Variants in TTBK2 observed in about 807,000 individuals in gnomAD.
TTBK2 encodes tau-tubulin kinase 2.
Under a neutral mutation model 110.8 loss-of-function variants are expected in TTBK2, and 28 were observed. The ratio of observed to expected loss-of-function variants is 0.25; its 90% CI spans 0.19 to 0.35. The LOEUF is 0.35. Among genes scored for constraint, TTBK2 ranks in the 10% least tolerant of loss-of-function variants. TTBK2 has a pLI of 1.00. For synonymous variants in TTBK2, 532 were observed against 527.3 expected, an observed-to-expected ratio of 1.01 and a Z score of -0.12; for missense variants, 1,369 against 1,500.3, an observed-to-expected ratio of 0.91 and a Z score of 1.45.
At chr15:42,884,813 T>A (rs1047122981) in intron 1 of TTBK2, among the ~76,000 whole-genome samples, 6 of 152,202 alleles carry the variant, frequency 3.9e-5, no homozygotes, top group Non-Finnish European at 7.3e-5. Context: ...CCTGCACGTA[T>A]ACATCCAGAT....
intron 3 of TTBK2, among the ~76,000 whole-genome samples, chr15:42,846,318 A>C (rs550344517): frequency 7.9e-5 from 12 of 151,480 alleles, no homozygotes; most frequent in Non-Finnish European, 1.2e-4. Context: ...GCCTCCCAAG[A>C]AGCTGGGATT....
intron 3 of TTBK2, among the ~76,000 whole-genome samples, chr15:42,859,865 T>C (rs1196926611): frequency 6.6e-6 from 1 of 152,014 alleles, no homozygotes; most frequent in African/African-American, 2.4e-5. Context: ...GTGGGTAATG[T>C]AAGCAGAGAT....
chr15:42,836,299 A>G (rs1892983560), intron 4 of TTBK2, among the ~76,000 whole-genome samples: 1 of 152,230 alleles, frequency 6.6e-6, no homozygotes, highest in Admixed American at 6.5e-5. Context: ...GCAGGAGGAA[A>G]AGAACAAGTT....
Position 42,831,075 on chromosome 15 carries a change from A to G in TTBK2, c.292-997T>C, listed in dbSNP as rs1183527629. Among the ~76,000 whole-genome samples, 10 of 152,080 alleles carry G rather than the reference A, an allele frequency of 6.6e-5. No homozygotes were observed. The East Asian group carries it at 1.7e-3, about 26-fold the overall frequency. On this transcript the variant is annotated intron_variant, in intron 4 of 14. Coordinates refer to ENST00000267890, the MANE Select transcript of TTBK2 (RefSeq NM_173500.4). The stretch of plus-strand genomic sequence containing the variant: ...GTGATCAAGTATATAGAATGCATAT[A>G]CATACAAAGGGCACTAATTCCTCAT...
intron 1 of TTBK2, among the ~76,000 whole-genome samples, chr15:42,906,550 A>T (rs961275575): frequency 6.6e-6 from 1 of 152,186 alleles, no homozygotes. Context: ...GACTTCTTGA[A>T]TCTAAGACCT....
chr15:42,771,379 A>G (rs1222541701), intron 13 of TTBK2, among the ~76,000 whole-genome samples: 1 of 152,194 alleles, frequency 6.6e-6, no homozygotes, highest in Non-Finnish European at 1.5e-5. Context: ...TCCTAGGCAG[A>G]TATGTCTGTG....
At chr15:42,773,654 C>T (rs1301827076) in intron 13 of TTBK2, among the ~76,000 whole-genome samples, 1 of 151,968 alleles carries the variant, frequency 6.6e-6, no homozygotes, top group Non-Finnish European at 1.5e-5. Context: ...TTTTAGAAAG[C>T]CTCCATGAAG....
At chr15:42,818,547 A>C (rs187062283) in intron 6 of TTBK2, among the ~76,000 whole-genome samples, 6,747 of 151,974 alleles carry the variant, frequency 0.044, 488 homozygotes, top group African/African-American at 0.15. Context: ...GTGAAACCCC[A>C]TCTCTACTAA....
At chr15:42,815,293 T>C (rs1891891959) in intron 7 of TTBK2, among the ~76,000 whole-genome samples, 1 of 152,094 alleles carries the variant, frequency 6.6e-6, no homozygotes, top group South Asian at 2.1e-4. Context: ...AGCTTTACTA[T>C]TTTCAATTTA....
chr15:42,872,528 A>C (rs977618108), intron 3 of TTBK2, 83 bp downstream of exon 3: 1 of 1,505,588 alleles, frequency 6.6e-7, no homozygotes, highest in Non-Finnish European at 9.1e-7. Context: ...GTACTTAAAG[A>C]ATGTAATTAA....
In TTBK2 at chr15:42,739,023, C is replaced by T. The variant is rs1223333928; in HGVS notation, c.*6772G>A. ...ATTACTAGGTTATAAAAATAAAATA[C>T]AAAATAATTTTAAAACAGAACTTAA... On this transcript the variant is annotated 3_prime_UTR_variant, in exon 15 of 15. Coordinates refer to ENST00000267890, the MANE Select transcript of TTBK2 (RefSeq NM_173500.4). 6.6e-6 allele frequency: 1 copy of T among 152,066 alleles called. No individual in the cohort carries two copies. Among genetic ancestry groups the T allele is most frequent in the Non-Finnish European group, 1.5e-5 (1 of 67,994 alleles). 9.4% of individuals were successfully genotyped at this position (152,066 alleles called of 1,614,324 possible). A position where few individuals can be genotyped will look rare whatever the true frequency, so the allele number is the denominator to read the frequency against.
intron 1 of TTBK2, among the ~76,000 whole-genome samples, chr15:42,882,469 C>T (rs369915205): frequency 6.4e-4 from 97 of 150,700 alleles, no homozygotes; most frequent in African/African-American, 2.3e-3. Flanking sequence ...TATATATTAG[C>T]CAGGTGTGGT....
intron 10 of TTBK2, among the ~76,000 whole-genome samples, chr15:42,787,042 T>C (rs1890442326): frequency 6.6e-6 from 1 of 151,984 alleles, no homozygotes; most frequent in Non-Finnish European, 1.5e-5. Flanking sequence ...TGAGAAAAAA[T>C]AGTAAGAACG....
intron 13 of TTBK2, among the ~76,000 whole-genome samples, chr15:42,768,040 AG>A (rs1889469832): frequency 6.6e-6 from 1 of 152,252 alleles, no homozygotes; most frequent in African/African-American, 2.4e-5. Context: ...GATGCAGAAA[AG>A]GCCTTCAACA....
chr15:42,745,038 T>C lies in TTBK2; in HGVS notation c.*757A>G, dbSNP rs1270769939. ...CTGCAAAATAGCTCTAGTTAGACTT[T>C]TCTTTCCTTTACCTAACTTTCTTAT... On this transcript the variant is annotated 3_prime_UTR_variant, in exon 15 of 15. Coordinates refer to ENST00000267890, the MANE Select transcript of TTBK2 (RefSeq NM_173500.4). 1 of 154,364 alleles carries C rather than the reference T, an allele frequency of 6.5e-6. No individual in the cohort carries two copies. Among genetic ancestry groups the C allele is most frequent in the African/African-American group, 2.4e-5 (1 of 41,524 alleles). The allele number at this position is 154,364 out of a possible 1,614,324, so 9.6% of individuals were successfully genotyped here. A position where few individuals can be genotyped will look rare whatever the true frequency, so the allele number is the denominator to read the frequency against.
At chr15:42,826,277 T>C (rs1458525152) in intron 6 of TTBK2, among the ~76,000 whole-genome samples, 2 of 152,082 alleles carry the variant, frequency 1.3e-5, no homozygotes, top group East Asian at 1.9e-4. Flanking sequence ...AGATTTATTA[T>C]TAATTTCATC....
At chr15:42,837,663 A>AT (rs1893047881) in intron 4 of TTBK2, among the ~76,000 whole-genome samples, 1 of 150,932 alleles carries the variant, frequency 6.6e-6, no homozygotes, top group Non-Finnish European at 1.5e-5. Flanking sequence ...GTCTCAAAAA[A>AT]AAAAAAAAAA....
intron 10 of TTBK2, among the ~76,000 whole-genome samples, chr15:42,784,045 G>T (rs1374548205): frequency 6.6e-6 from 1 of 151,422 alleles, no homozygotes. Flanking sequence ...CTGGGTGACA[G>T]AGCGAGACTC....
rs1379964708 is a variant in TTBK2 at position 42,825,076 on chromosome 15, AC to A, written c.537+2851del. On this transcript the variant is annotated intron_variant, in intron 6 of 14. Transcript: ENST00000267890. ...ACAATGGGTTTGATTTTACCACTGC[AC>A]TCCCGCCTGTGCAACAGAACAAGAC... Among the ~76,000 whole-genome samples, 3 of 152,012 alleles carry A rather than the reference AC, an allele frequency of 2.0e-5. No individual in the cohort carries two copies. The East Asian group carries it at 5.8e-4, about 29-fold the overall frequency.
Sources: allele counts gnomAD v4.1 joint callset (sites outside exome capture counted in the v4.1 genomes callset), GRCh38; gene constraint gnomAD v4.1.1; transcripts MANE v1.5; gene names NCBI Gene and HGNC (gene_info 2026-07-23, HGNC 2026-07-21).